KCNAB1: variants seen among roughly 807,000 people sequenced by gnomAD.
KCNAB1 encodes potassium voltage-gated channel subfamily A regulatory beta subunit 1.
Under a neutral mutation model 64.6 loss-of-function variants are expected in KCNAB1, and 35 were observed. That is an observed-to-expected ratio of 0.54 (90% confidence interval 0.41 to 0.72). The LOEUF (loss-of-function observed/expected upper bound fraction) is 0.72. KCNAB1 is among the 30% of genes least tolerant of loss of function. The probability of loss-of-function intolerance (pLI) is 0.00; values close to 1 mark genes in which losing one functional copy is unlikely to be tolerated. For synonymous variants in KCNAB1, 177 were observed against 183.8 expected (o/e 0.96, Z 0.30); for missense variants, 401 against 512.9 (o/e 0.78, Z 2.11).
At chr3:156,466,639 T>C (rs1713402935) in intron 7 of KCNAB1, among the ~76,000 whole-genome samples, 1 of 152,014 alleles carries the variant, frequency 6.6e-6, no homozygotes. Flanking sequence ...CTATACTGTT[T>C]TAGAAGGGAA....
chr3:156,439,792 G>A (rs868150453), intron 2 of KCNAB1, among the ~76,000 whole-genome samples: 6 of 152,116 alleles, frequency 3.9e-5, no homozygotes, highest in East Asian at 3.9e-4. Flanking sequence ...AGAAATGGAC[G>A]CCATCAGTGC....
chr3:156,339,173 G>A (rs1229515589), intron 1 of KCNAB1, among the ~76,000 whole-genome samples: 1 of 152,166 alleles, frequency 6.6e-6, no homozygotes, highest in East Asian at 1.9e-4. Context: ...GAGGAGGAAT[G>A]CATGTGTAGT....
intron 1 of KCNAB1, among the ~76,000 whole-genome samples, chr3:156,145,328 C>T (rs918036517): frequency 2.0e-5 from 3 of 152,192 alleles, no homozygotes; most frequent in Non-Finnish European, 2.9e-5. Flanking sequence ...ACACATTTCT[C>T]CATTACCCAC....
intron 1 of KCNAB1, among the ~76,000 whole-genome samples, chr3:156,357,983 T>C (rs1725368949): frequency 6.6e-6 from 1 of 152,030 alleles, no homozygotes; most frequent in Non-Finnish European, 1.5e-5. Context: ...TGTTTCCAAG[T>C]TGTTCCAGAC....
At chr3:156,263,912 T>C (rs1446831847) in intron 1 of KCNAB1, among the ~76,000 whole-genome samples, 1 of 152,162 alleles carries the variant, frequency 6.6e-6, no homozygotes, top group East Asian at 1.9e-4. Context: ...GCTACTCACA[T>C]AGAGTTGATT....
chr3:156,519,203 T>C (rs917216411), intron 11 of KCNAB1, among the ~76,000 whole-genome samples: 2 of 152,246 alleles, frequency 1.3e-5, no homozygotes, highest in East Asian at 1.9e-4. Context: ...TTAATCTTTT[T>C]AAAATATTAA....
chr3:156,205,643 C>A (rs1714611415), intron 1 of KCNAB1, among the ~76,000 whole-genome samples: 1 of 152,188 alleles, frequency 6.6e-6, no homozygotes, highest in Non-Finnish European at 1.5e-5. Context: ...TCTCCCTAAA[C>A]TACCCGCTCC....
intron 1 of KCNAB1, among the ~76,000 whole-genome samples, chr3:156,378,330 T>C (rs914587442): frequency 6.6e-6 from 1 of 152,102 alleles, no homozygotes; most frequent in Non-Finnish European, 1.5e-5. Flanking sequence ...TTGGTGGAGC[T>C]TCTCTGACCC....
intron 1 of KCNAB1, among the ~76,000 whole-genome samples, chr3:156,242,278 C>T (rs1255624108): frequency 6.6e-6 from 1 of 151,988 alleles, no homozygotes; most frequent in Non-Finnish European, 1.5e-5. Context: ...TTCTGTTATT[C>T]TTTATTTTAA....
chr3:156,470,983 G>A (rs2108312657), intron 7 of KCNAB1, among the ~76,000 whole-genome samples: 1 of 152,166 alleles, frequency 6.6e-6, no homozygotes, highest in Admixed American at 6.5e-5. Flanking sequence ...AAAAGAAGCA[G>A]GTGTCTCAAA....
intron 1 of KCNAB1, among the ~76,000 whole-genome samples, chr3:156,342,631 T>C (rs1724220107): frequency 7.0e-6 from 1 of 143,410 alleles, no homozygotes; most frequent in South Asian, 2.3e-4. Context: ...TTTATTATAC[T>C]CTAAGTTTTA....
rs115253067 is a variant in KCNAB1 at position 156,372,672 on chromosome 3, T to C, written c.276-48944T>C. Among the ~76,000 whole-genome samples, 1,078 of 152,330 alleles carry C rather than the reference T, an allele frequency of 7.1e-3. 9 individuals carry two copies. Among genetic ancestry groups the C allele is most frequent in the African/African-American group, 0.025 (1,030 of 41,566 alleles). ...TCATTTATAAGCTTTTGCCAGGAGC[T>C]GGGTTTGCCAGGTAGAGGAAGATGC... On this transcript the variant is annotated intron_variant, in intron 1 of 13. Transcript: ENST00000490337.
intron 12 of KCNAB1, among the ~76,000 whole-genome samples, chr3:156,530,377 C>A (rs557809336): frequency 3.3e-5 from 5 of 152,122 alleles, no homozygotes; most frequent in African/African-American, 1.2e-4. Flanking sequence ...AATGGAGGGA[C>A]TTGATTTTCT....
At chr3:156,152,917 G>A (rs1715498409) in intron 1 of KCNAB1, among the ~76,000 whole-genome samples, 1 of 152,162 alleles carries the variant, frequency 6.6e-6, no homozygotes, top group Non-Finnish European at 1.5e-5. Flanking sequence ...AACATTCCAT[G>A]CTAGCACTTT....
chr3:156,312,434 G>A (rs1721971801), intron 1 of KCNAB1, among the ~76,000 whole-genome samples: 1 of 152,320 alleles, frequency 6.6e-6, no homozygotes, highest in African/African-American at 2.4e-5. Flanking sequence ...AATGCCCATT[G>A]TGGCTATGTC....
chr3:156,440,114 C>T (rs1716889229), intron 2 of KCNAB1, among the ~76,000 whole-genome samples: 1 of 152,238 alleles, frequency 6.6e-6, no homozygotes, highest in Non-Finnish European at 1.5e-5. Context: ...ATAAGCACAT[C>T]CTCTATGCCA....
chr3:156,153,700 C>T lies in KCNAB1; in HGVS notation c.275+32814C>T, dbSNP rs374085305. On this transcript the variant is annotated intron_variant, in intron 1 of 13. Transcript: ENST00000490337. ...TGCCTGATTGTTGGATCTGAGACAT[C>T]GGTCTATTTCTGCTTTCAGAGTTGA... Among the ~76,000 whole-genome samples the T allele has an allele frequency of 1.7e-4, 26 of 152,314 alleles. No individual in the cohort carries two copies. The East Asian group carries it at 3.5e-3, about 20-fold the overall frequency.
At chr3:156,445,093 C>A (rs1227110125) in intron 2 of KCNAB1, among the ~76,000 whole-genome samples, 2 of 152,122 alleles carry the variant, frequency 1.3e-5, no homozygotes, top group Non-Finnish European at 2.9e-5. Flanking sequence ...GTCAGTAGTT[C>A]AAGACCAACA....
rs185548817 is a variant in KCNAB1 at position 156,314,909 on chromosome 3, G to A, written c.276-106707G>A. On this transcript the variant is annotated intron_variant, in intron 1 of 13. Transcript: ENST00000490337. ...CATGCCTGTAGTCCCAGCTACTTGG[G>A]AGGCTGAGGCAGAAGAATTGCTTGA... Among the ~76,000 whole-genome samples, 3 of 152,308 alleles carry A rather than the reference G, an allele frequency of 2.0e-5. No individual in the cohort carries two copies. The East Asian group carries it at 5.8e-4, about 29-fold the overall frequency.
Sources: allele counts gnomAD v4.1 joint callset (sites outside exome capture counted in the v4.1 genomes callset), GRCh38; gene constraint gnomAD v4.1.1; transcripts MANE v1.5; gene names NCBI Gene and HGNC (gene_info 2026-07-23, HGNC 2026-07-21).